The following PNMA8A variants were observed in gnomAD, a reference collection of about 807,000 sequenced individuals.
The protein encoded by PNMA8A is PNMA family member 8A.
Under a neutral mutation model 26.6 loss-of-function variants are expected in PNMA8A, and 17 were observed. The ratio of observed to expected loss-of-function variants is 0.64; its 90% CI spans 0.44 to 0.96. PNMA8A has a LOEUF of 0.96. Ranked by LOEUF, PNMA8A falls within the 40% of genes least tolerant of loss-of-function variation. The pLI is 0.00. For synonymous variants in PNMA8A, 224 were observed against 182.0 expected, an observed-to-expected ratio of 1.23 and a Z score of -1.86; for missense variants, 532 against 488.4, an observed-to-expected ratio of 1.09 and a Z score of -0.84.
In PNMA8A at chr19:46,471,085, G is replaced by A. The variant is rs775297411; in HGVS notation, c.-50C>T. The A allele has an allele frequency of 8.7e-6, 6 of 689,622 alleles. No individual in the cohort carries two copies. In the African/African-American group the frequency reaches 1.1e-4, roughly 12 times the overall value. The allele number at this position is 689,622 out of a possible 1,614,324, so 42.7% of individuals were successfully genotyped here. A position where few individuals can be genotyped will look rare whatever the true frequency, so the allele number is the denominator to read the frequency against. The stretch of plus-strand genomic sequence containing the variant: ...GTAGTAAATAGTCTATCAGGTGGAC[G>A]TGGGCTGCAGCGGTCTCCAAACAGT... On this transcript the variant is annotated 5_prime_UTR_variant, in exon 2 of 3. In the 5' UTR this introduces an upstream ATG that the reference lacks. Coordinates refer to ENST00000313683, the MANE Select transcript of PNMA8A (RefSeq NM_018215.4).
At chr19:46,469,102 T>C (rs982652621) in intron 2 of PNMA8A, among the ~76,000 whole-genome samples, 12 of 93,646 alleles carry the variant, frequency 1.3e-4, no homozygotes, top group Non-Finnish European at 2.0e-4. Flanking sequence ...TCCCAAATCA[T>C]TAAATTCTTT....
chr19:46,469,700 C>A, intron 2 of PNMA8A, 33 bp downstream of exon 2: 1 of 1,554,778 alleles, frequency 6.4e-7, no homozygotes, highest in South Asian at 1.2e-5. Context: ...CACTTGCTGG[C>A]ACGAGCCCAG....
Sources: gnomAD v4.1 joint callset for allele counts (sites outside exome capture counted in the v4.1 genomes callset) on GRCh38, gnomAD v4.1.1 for gene constraint, MANE v1.5 for transcripts, NCBI Gene and HGNC (gene_info 2026-07-23, HGNC 2026-07-21) for gene names.